DIAPH2: variants seen among roughly 807,000 people sequenced by gnomAD.
DIAPH2 encodes the protein diaphanous related formin 2, also known as protein diaphanous homolog 2.
In DIAPH2, 35 loss-of-function variants were observed where a neutral mutation model predicts 92.7. That is an observed-to-expected ratio of 0.38 (90% CI 0.29 to 0.50). The LOEUF (loss-of-function observed/expected upper bound fraction) is 0.50. DIAPH2 is among the 20% of genes least tolerant of loss of function. The pLI, the probability that DIAPH2 is intolerant of heterozygous loss-of-function variation, is 0.94. For missense variants in DIAPH2, 701 were observed against 819.5 expected (o/e 0.86, Z 1.77); for synonymous variants, 301 against 280.4 (o/e 1.07, Z -0.73).
chrX:96,876,796 A>T (rs1216222882), intron 4 of DIAPH2, among the ~76,000 whole-genome samples: 1 of 109,342 alleles, frequency 9.1e-6, no homozygotes, highest in Admixed American at 9.9e-5. Context: ...GCATTAGGAG[A>T]TATATCTAAT....
chrX:96,940,140 G>A (rs1345617245), intron 12 of DIAPH2, among the ~76,000 whole-genome samples: 1 of 110,820 alleles, frequency 9.0e-6, no homozygotes, highest in African/African-American at 3.3e-5. Context: ...AAGCACTGAA[G>A]ATTCTGGGAT....
rs752680388 is a variant in DIAPH2, at chrX:97,502,916, T to C, written c.3241+73171T>C. ...AGTGAATTATTTAGGAAGTGAACGT[T>C]GATTCCCTTATGAGTCAGTCCAGCC... On this transcript the variant is annotated intron_variant, in intron 26 of 26. Transcript: ENST00000324765. Among the ~76,000 whole-genome samples, 5 of 112,173 alleles carry C rather than the reference T, an allele frequency of 4.5e-5. No individual in the cohort carries two copies. In the South Asian group the frequency reaches 1.8e-3, roughly 41 times the overall value.
chrX:97,555,973 T>G (rs1020044251), intron 26 of DIAPH2, among the ~76,000 whole-genome samples: 7 of 111,977 alleles, frequency 6.3e-5, no homozygotes, highest in African/African-American at 2.3e-4. Flanking sequence ...GACTCCAGCA[T>G]TAGATGGCCC....
At position 96,884,268 on chromosome X, in the gene DIAPH2, C is replaced by G. The variant is rs768443110; in HGVS notation, c.587+2550C>G. On this transcript the variant is annotated intron_variant, in intron 5 of 26. Transcript: ENST00000324765. ...TCAAAGCCGTCCGTGGAGCCCCAGA[C>G]GAGCCAAAGCCCACCTTCTCCTCAG... The G allele has an allele frequency of 2.0e-5, 23 of 1,148,736 alleles. No individual in the cohort carries two copies. The African/African-American group carries it at 4.1e-4, about 21-fold the overall frequency. 94.7% of individuals were successfully genotyped at this position (1,148,736 alleles called of 1,213,427 possible).
At chrX:97,060,001 G>A (rs940287738) in intron 17 of DIAPH2, among the ~76,000 whole-genome samples, 2 of 112,503 alleles carry the variant, frequency 1.8e-5, no homozygotes, top group Non-Finnish European at 3.8e-5. Context: ...TAAGAAACAG[G>A]AATTTATTGT....
intron 23 of DIAPH2, among the ~76,000 whole-genome samples, chrX:97,290,377 C>G (rs929203041): frequency 1.8e-5 from 2 of 111,149 alleles, no homozygotes; most frequent in African/African-American, 6.5e-5. Flanking sequence ...GGGAACAGGG[C>G]GGGCAAAGCT....
At position 97,315,183 on chromosome X, in the gene DIAPH2, A is replaced by G. The variant is rs2068830262; in HGVS notation, c.2845-32933A>G. ...GTCAGTTGCCATGGTGCACAACTGT[A>G]GTTTCAGCTATTCAGGAAGCTGAGG... On this transcript the variant is annotated intron_variant, in intron 23 of 26. Coordinates refer to ENST00000324765, the MANE Select transcript of DIAPH2 (RefSeq NM_006729.5). Among the ~76,000 whole-genome samples, 7 of 110,905 alleles carry G rather than the reference A, an allele frequency of 6.3e-5. No homozygotes were observed. The Admixed American group carries it at 6.9e-4, about 11-fold the overall frequency.
chrX:97,135,568 G>A (rs73546748), intron 21 of DIAPH2, among the ~76,000 whole-genome samples: 1,702 of 110,428 alleles, frequency 0.015, 47 homozygotes, highest in African/African-American at 0.053. Context: ...TAGTAACTAC[G>A]ACTCTCCTCC....
At chrX:97,352,270 T>C (rs768712447) in intron 24 of DIAPH2, among the ~76,000 whole-genome samples, 1 of 111,045 alleles carries the variant, frequency 9.0e-6, no homozygotes, top group South Asian at 3.8e-4. Flanking sequence ...TACCAAAAAA[T>C]CTTCCTCCGA....
intron 9 of DIAPH2, among the ~76,000 whole-genome samples, chrX:96,920,718 A>G (rs2065536930): frequency 8.9e-6 from 1 of 112,538 alleles, no homozygotes; most frequent in African/African-American, 3.2e-5. Flanking sequence ...GAAGCTGGAC[A>G]GAATGGAATG....
chrX:97,356,411 G>T (rs888205340), intron 24 of DIAPH2, among the ~76,000 whole-genome samples: 1 of 111,268 alleles, frequency 9.0e-6, no homozygotes, highest in Non-Finnish European at 1.9e-5. Flanking sequence ...AATTCCCTTT[G>T]AGCTCAGCTG....
intron 19 of DIAPH2, among the ~76,000 whole-genome samples, chrX:97,098,621 C>T (rs2066884947): frequency 8.9e-6 from 1 of 112,648 alleles, no homozygotes; most frequent in Non-Finnish European, 1.9e-5. Flanking sequence ...GATGGGGTTT[C>T]TCCATGTTGG....
intron 23 of DIAPH2, among the ~76,000 whole-genome samples, chrX:97,286,714 C>A (rs1377838753): frequency 9.0e-6 from 1 of 111,393 alleles, no homozygotes; most frequent in African/African-American, 3.3e-5. Context: ...GGAAAACACT[C>A]ATGCAGGTCT....
chrX:97,428,979 T>C (rs1032446537), intron 25 of DIAPH2, among the ~76,000 whole-genome samples: 3 of 112,161 alleles, frequency 2.7e-5, no homozygotes, highest in African/African-American at 9.7e-5. Context: ...CACTTATGGC[T>C]CCTTAACAGT....
intron 26 of DIAPH2, among the ~76,000 whole-genome samples, chrX:97,509,543 A>G (rs2070867878): frequency 1.2e-5 from 1 of 83,866 alleles, no homozygotes; most frequent in African/African-American, 5.0e-5. Flanking sequence ...GTTTTAGGGT[A>G]CATGTGCACA....
At chrX:97,080,676 C>G (rs1218866762) in intron 19 of DIAPH2, among the ~76,000 whole-genome samples, 10 of 111,384 alleles carry the variant, frequency 9.0e-5, no homozygotes, top group Non-Finnish European at 1.7e-4. Flanking sequence ...CAGAATGACA[C>G]GAAGATCATC....
At chrX:97,140,444 C>A (rs1468793068) in intron 21 of DIAPH2, among the ~76,000 whole-genome samples, 4 of 111,477 alleles carry the variant, frequency 3.6e-5, no homozygotes, top group African/African-American at 1.3e-4. Context: ...TTTAGTGGAT[C>A]AGCATGATAA....
chrX:97,449,695 A>T, intron 26 of DIAPH2: 1 of 747,264 alleles, frequency 1.3e-6, no homozygotes, highest in East Asian at 1.5e-4. Context: ...CACTCAGACG[A>T]CAAGCAAGGA....
At chrX:97,243,233 AT>A (rs34420874) in intron 22 of DIAPH2, among the ~76,000 whole-genome samples, 4,424 of 94,989 alleles carry the variant, frequency 0.047, 168 homozygotes, top group African/African-American at 0.14. Context: ...AACAACCAGC[AT>A]TTTTTTTTTT....
Sources: gnomAD v4.1 joint callset for allele counts (sites outside exome capture counted in the v4.1 genomes callset) on GRCh38, gnomAD v4.1.1 for gene constraint, MANE v1.5 for transcripts, NCBI Gene and HGNC (gene_info 2026-07-23, HGNC 2026-07-21) for gene names.